The following STAG2 variants were observed in gnomAD, a reference collection of about 807,000 sequenced individuals.
The protein encoded by STAG2 is cohesin subunit SA-2.
A neutral mutation model predicts 108.1 loss-of-function variants in STAG2; 14 were observed. That is an observed-to-expected ratio of 0.13 (90% CI 0.09 to 0.20). STAG2 has a LOEUF of 0.20. Ranked by LOEUF, STAG2 falls within the 10% of genes least tolerant of loss-of-function variation. The pLI, the probability that STAG2 is intolerant of heterozygous loss-of-function variation, is 1.00. For missense variants in STAG2, 440 were observed against 940.9 expected, an observed-to-expected ratio of 0.47 and a Z score of 6.96; for synonymous variants, 307 against 302.7, an observed-to-expected ratio of 1.01 and a Z score of -0.15.
intron 13 of STAG2, among the ~76,000 whole-genome samples, chrX:124,054,932 T>A (rs1012460389): frequency 2.7e-5 from 3 of 110,653 alleles, no homozygotes; most frequent in African/African-American, 9.9e-5. Context: ...GGCTAATTTT[T>A]TTTTTCTTTC....
chrX:124,080,575 C>T (rs183041308), intron 27 of STAG2, among the ~76,000 whole-genome samples: 41 of 110,098 alleles, frequency 3.7e-4, no homozygotes, highest in Non-Finnish European at 7.4e-4. Context: ...TTAATCGCAG[C>T]TACTCGGGAG....
chrX:124,075,749 G>A (rs377188626), intron 25 of STAG2, among the ~76,000 whole-genome samples: 2 of 111,165 alleles, frequency 1.8e-5, no homozygotes, highest in Non-Finnish European at 3.8e-5. Flanking sequence ...GCTGCAGTGG[G>A]GCTTCCCTGA....
chrX:123,991,498 A>G (rs768684017), intron 1 of STAG2, among the ~76,000 whole-genome samples: 2 of 103,879 alleles, frequency 1.9e-5, no homozygotes, highest in African/African-American at 7.1e-5. Flanking sequence ...GACTACAAGC[A>G]TGTGCCACCA....
intron 1 of STAG2, among the ~76,000 whole-genome samples, chrX:123,992,056 A>G (rs2147770515): frequency 8.9e-6 from 1 of 112,527 alleles, no homozygotes; most frequent in Non-Finnish European, 1.9e-5. Flanking sequence ...TACGTAGGTT[A>G]GATGCAAATA....
In STAG2 at chrX:124,094,585, A is replaced by G. The variant is rs1331206590; in HGVS notation, c.3705+441A>G. Among the ~76,000 whole-genome samples the G allele has an allele frequency of 3.6e-5, 4 of 111,998 alleles. No individual in the cohort carries two copies. In the Admixed American group the frequency reaches 3.8e-4, roughly 11 times the overall value. On this transcript the variant is annotated intron_variant, in intron 33 of 34. Transcript: ENST00000371145. ...ACTTAAACTTGGAAGGAAATTAAAT[A>G]CAGGTAGGAGTGTATTCTTTATTAA...
At chrX:123,971,227 C>T (rs1462489805) in intron 1 of STAG2, among the ~76,000 whole-genome samples, 2 of 111,408 alleles carry the variant, frequency 1.8e-5, no homozygotes, top group Non-Finnish European at 3.8e-5. Context: ...GTCAGGAGTT[C>T]GAGCCAGCCT....
At chrX:123,966,108 A>G (rs1602607394) in intron 1 of STAG2, among the ~76,000 whole-genome samples, 2 of 111,750 alleles carry the variant, frequency 1.8e-5, no homozygotes, top group East Asian at 5.6e-4. Context: ...TATGGGCATC[A>G]GTATATACTG....
chrX:124,018,893 C>T (rs967229045), intron 1 of STAG2, among the ~76,000 whole-genome samples: 9 of 110,573 alleles, frequency 8.1e-5, no homozygotes, highest in African/African-American at 2.6e-4. Context: ...CATTTAGAAA[C>T]TACTAATCCC....
chrX:124,028,794 TTATATATATATATA>T (rs56052834), intron 4 of STAG2, among the ~76,000 whole-genome samples: 1 of 75,090 alleles, frequency 1.3e-5, no homozygotes, highest in African/African-American at 5.8e-5. Flanking sequence ...TAAGAATAGT[TTATATATATATATA>T]TATATATATA....
intron 1 of STAG2, among the ~76,000 whole-genome samples, chrX:124,009,425 AGGTAGG>A (rs1569501798): frequency 1.3e-4 from 11 of 86,676 alleles, no homozygotes; most frequent in South Asian, 6.5e-4. Flanking sequence ...GTAGGTAGGT[AGGTAGG>A]TAGGTAGGTA....
chrX:124,088,424 A>G (rs149584732), intron 30 of STAG2, among the ~76,000 whole-genome samples: 1,388 of 110,989 alleles, frequency 0.013, 13 homozygotes, highest in Non-Finnish European at 0.021. Flanking sequence ...GAATACTGAT[A>G]GGTTGGCCAA....
At chrX:124,065,295 C>T (rs1334074225) in intron 20 of STAG2, among the ~76,000 whole-genome samples, 1 of 111,855 alleles carries the variant, frequency 8.9e-6, no homozygotes, top group Non-Finnish European at 1.9e-5. Flanking sequence ...AACTAGAGTT[C>T]AACACAGTAG....
intron 14 of STAG2, among the ~76,000 whole-genome samples, chrX:124,056,610 G>T (rs892898732): frequency 3.7e-5 from 4 of 106,984 alleles, no homozygotes. Flanking sequence ...GCGGGCGCCT[G>T]TAGTCCCAGC....
At chrX:124,059,172 C>G (rs1270421468) in intron 15 of STAG2, among the ~76,000 whole-genome samples, 2 of 111,593 alleles carry the variant, frequency 1.8e-5, no homozygotes, top group East Asian at 5.7e-4. Context: ...CAAAAATTAT[C>G]CAGGCATGGT....
At chrX:124,029,456 G>T (rs7889602) in intron 4 of STAG2, among the ~76,000 whole-genome samples, 17,472 of 109,898 alleles carry the variant, frequency 0.16, 1,161 homozygotes, top group South Asian at 0.36. Context: ...GACTATAGGC[G>T]TATGCCGCCA....
At chrX:124,022,767 G>C in intron 3 of STAG2, 96 bp downstream of exon 3, 1 of 533,553 alleles carries the variant, frequency 1.9e-6, no homozygotes, top group Non-Finnish European at 2.9e-6. Flanking sequence ...TGCTCGAGAA[G>C]ATCTAATATA....
rs59817792 is a variant in STAG2 at position 124,050,634 on chromosome X, TA to T, written c.1017+335del. On this transcript the variant is annotated intron_variant, in intron 11 of 34. Coordinates refer to ENST00000371145, the MANE Select transcript of STAG2 (RefSeq NM_001042750.2). ...TGTTGTTATCTGAGAGCTATATACT[TA>T]AAAAAAAAATTATTCAATTTTGATC... 5.7e-3 allele frequency among the ~76,000 whole-genome samples: 620 copies of T among 108,736 alleles called. 1 individual carries two copies. Among genetic ancestry groups the T allele is most frequent in the African/African-American group, 0.015 (444 of 30,032 alleles). The allele number at this position is 108,736 out of a possible 115,157, so 94.4% of individuals were successfully genotyped here. A position where few individuals can be genotyped will look rare whatever the true frequency, so the allele number is the denominator to read the frequency against.
intron 1 of STAG2, among the ~76,000 whole-genome samples, chrX:124,013,613 G>A (rs893505379): frequency 7.2e-5 from 8 of 111,657 alleles, no homozygotes; most frequent in African/African-American, 2.6e-4. Flanking sequence ...TAGCAGATAT[G>A]TATCCAATAT....
chrX:124,090,663 C>T lies in STAG2; in HGVS notation c.3366C>T (p.Thr1122=). ...TPVMMQTPQL[T]STIMREPKRL... ...TTATGATGCAGACACCACAACTCACCTCCACTATTATGAGAGAGCCCAAAA... is the reference window on the plus strand; with the variant it reads ...TTATGATGCAGACACCACAACTCACTTCCACTATTATGAGAGAGCCCAAAA... The change falls in exon 31 of 35, where the codon ACC becomes ACT. Residue 1122 remains threonine, a synonymous_variant. Coordinates refer to ENST00000371145, the MANE Select transcript of STAG2 (RefSeq NM_001042750.2). 3.3e-6 allele frequency: 4 copies of T among 1,211,323 alleles called. No individual in the cohort carries two copies. The highest frequency in any genetic ancestry group is 4.5e-6 in the Non-Finnish European group (4 of 895,120).
Sources: gnomAD v4.1 joint callset for allele counts (sites outside exome capture counted in the v4.1 genomes callset) on GRCh38, gnomAD v4.1.1 for gene constraint, MANE v1.5 for transcripts, NCBI Gene and HGNC (gene_info 2026-07-23, HGNC 2026-07-21) for gene names.